FAM149A: variants seen among roughly 807,000 people sequenced by gnomAD.
FAM149A encodes protein FAM149A.
A neutral mutation model predicts 78.2 loss-of-function variants in FAM149A; 71 were observed. The observed-to-expected ratio is 0.91, with a 90% confidence interval of 0.75 to 1.11. The LOEUF (loss-of-function observed/expected upper bound fraction) is 1.11, where lower values mean the gene tolerates loss of function less well. Among genes scored for constraint, FAM149A ranks in the 50% least tolerant of loss-of-function variants. The pLI, the probability that FAM149A is intolerant of heterozygous loss-of-function variation, is 0.00. For missense variants in FAM149A, 1,036 were observed against 971.0 expected (o/e 1.07, Z -0.89); for synonymous variants, 446 against 410.5 (o/e 1.09, Z -1.04).
intron 6 of FAM149A, 115 bp downstream of exon 6, chr4:186,154,753 T>C: frequency 6.9e-7 from 1 of 1,439,484 alleles, no homozygotes; most frequent in Non-Finnish European, 9.1e-7. Flanking sequence ...CCCAAAAGAT[T>C]TCTGTTCTTT....
In FAM149A at chr4:186,166,950, A is replaced by G. The variant is rs755444478; in HGVS notation, c.2011-18A>G. The G allele has an allele frequency of 2.5e-6, 4 of 1,607,230 alleles. No individual in the cohort carries two copies. The highest frequency in any genetic ancestry group is 2.2e-5 in the South Asian group (2 of 89,884). Reference sequence around the variant, plus strand: ...GATTGCATTTATTTTAAACAAGAACATACTATCCTTCATTTAGTACAGAGG... The same window carrying G: ...GATTGCATTTATTTTAAACAAGAACGTACTATCCTTCATTTAGTACAGAGG... On this transcript the variant is annotated intron_variant, in intron 11 of 13. Transcript: ENST00000389354.
chr4:186,170,113 TC>T (rs1292434824), intron 13 of FAM149A, among the ~76,000 whole-genome samples: 1 of 152,196 alleles, frequency 6.6e-6, no homozygotes, highest in East Asian at 1.9e-4. Flanking sequence ...CACAGGGGAC[TC>T]CCTGGAGCTC....
At chr4:186,167,930 A>C (rs1014041917) in intron 13 of FAM149A, among the ~76,000 whole-genome samples, 1 of 152,176 alleles carries the variant, frequency 6.6e-6, no homozygotes, top group African/African-American at 2.4e-5. Flanking sequence ...AGGGTACATA[A>C]AATCATTATT....
chr4:186,130,293 C>CTCTCTCTCTCTCTCTATA lies in FAM149A; in HGVS notation c.567-18879_567-18878insCTCTCTCTCTCTCTATAT. On this transcript the variant is annotated intron_variant, in intron 1 of 13. Coordinates refer to ENST00000389354, the MANE Select transcript of FAM149A (RefSeq NM_001367768.3). ...TCTCTCTCTCTCTCTCTCTCTCTCTCTATATATATATATATATATATAATC... is the reference window on the plus strand; with the variant it reads ...TCTCTCTCTCTCTCTCTCTCTCTCTCTCTCTCTCTCTCTCTATATATATATATATATATATATATAATC... 192 of 46,558 alleles carry CTCTCTCTCTCTCTCTATA rather than the reference C, an allele frequency of 4.1e-3. 1 individual carries two copies. The highest frequency in any genetic ancestry group is 0.012 in the East Asian group (15 of 1,298). 2.9% of individuals were successfully genotyped at this position (46,558 alleles called of 1,614,324 possible). A position where few individuals can be genotyped will look rare whatever the true frequency, so the allele number is the denominator to read the frequency against.
At chr4:186,121,998 G>A (rs1346521905) in intron 1 of FAM149A, among the ~76,000 whole-genome samples, 1 of 152,148 alleles carries the variant, frequency 6.6e-6, no homozygotes, top group African/African-American at 2.4e-5. Flanking sequence ...CTTCCTGGCT[G>A]GCACCATGCT....
intron 8 of FAM149A, 116 bp downstream of exon 8, chr4:186,157,835 C>A: frequency 6.4e-7 from 1 of 1,552,298 alleles, no homozygotes; most frequent in Non-Finnish European, 8.7e-7. Context: ...CCACGCTGCC[C>A]GCAGAGGGGT....
At chr4:186,168,721 A>G (rs936522267) in intron 13 of FAM149A, among the ~76,000 whole-genome samples, 1 of 152,182 alleles carries the variant, frequency 6.6e-6, no homozygotes, top group Non-Finnish European at 1.5e-5. Flanking sequence ...TAGCTTATCA[A>G]TCATGGATGG....
At chr4:186,158,846 A>C in intron 8 of FAM149A, 5 of 986,198 alleles carry the variant, frequency 5.1e-6, no homozygotes, top group Non-Finnish European at 6.0e-6. Flanking sequence ...GAGCGGTCTC[A>C]AGCTGTTCTT....
At chr4:186,136,976 T>TCTCTCTTTCTCTCTTTCTCTC (rs2099323291) in intron 1 of FAM149A, among the ~76,000 whole-genome samples, 43 of 72,082 alleles carry the variant, frequency 6.0e-4, no homozygotes, top group African/African-American at 2.3e-3. Context: ...CTCTCTCTCT[T>TCTCTCTTTCTCTCTTTCTCTC]TCTCTCTCTC....
chr4:186,164,729 T>C lies in FAM149A; in HGVS notation c.1890-615T>C, dbSNP rs982352374. On this transcript the variant is annotated intron_variant, in intron 10 of 13. Coordinates refer to ENST00000389354, the MANE Select transcript of FAM149A (RefSeq NM_001367768.3). This position sits in a 1 kb window ranked among gnomAD's most constrained non-coding sequence, Gnocchi z 4.0. ...GGCCCCCTGTCACACCTTCATCAAA[T>C]AGAAACCCATTTATGTTTCCTACTG... 6.6e-6 allele frequency among the ~76,000 whole-genome samples: 1 copy of C among 152,168 alleles called. No individual in the cohort carries two copies. Among genetic ancestry groups the C allele is most frequent in the African/African-American group, 2.4e-5 (1 of 41,446 alleles).
chr4:186,115,396 G>A (rs377656503), intron 1 of FAM149A, among the ~76,000 whole-genome samples: 13 of 149,434 alleles, frequency 8.7e-5, no homozygotes, highest in African/African-American at 2.7e-4. Flanking sequence ...CTCTCAGCTC[G>A]TCAAAGTCAT....
intron 1 of FAM149A, among the ~76,000 whole-genome samples, chr4:186,140,297 C>T (rs1285839205): frequency 6.6e-6 from 1 of 152,032 alleles, no homozygotes; most frequent in African/African-American, 2.4e-5. Context: ...ACATATACCA[C>T]TTTTTATTTT....
intron 1 of FAM149A, among the ~76,000 whole-genome samples, chr4:186,140,098 A>G (rs985183732): frequency 1.3e-5 from 2 of 152,234 alleles, no homozygotes; most frequent in East Asian, 3.8e-4. Flanking sequence ...CAAGGAAGAC[A>G]GTAATATTAG....
At chr4:186,148,734 T>C (rs1733239685) in intron 1 of FAM149A, among the ~76,000 whole-genome samples, 1 of 152,218 alleles carries the variant, frequency 6.6e-6, no homozygotes, top group African/African-American at 2.4e-5. Flanking sequence ...TGATGTTTCT[T>C]AATTAATATG....
At chr4:186,107,888 C>T (rs1020191947) in intron 1 of FAM149A, among the ~76,000 whole-genome samples, 13 of 152,324 alleles carry the variant, frequency 8.5e-5, no homozygotes, top group Middle Eastern at 6.8e-3. Flanking sequence ...TTCAGATCCA[C>T]GACTACTCAC....
chr4:186,158,341 C>G, intron 8 of FAM149A: 1 of 1,209,398 alleles, frequency 8.3e-7, no homozygotes, highest in Non-Finnish European at 1.0e-6. Flanking sequence ...AGATTCTCCT[C>G]TGTGCTGTGT....
At chr4:186,150,453 T>A (rs1462853873) in intron 3 of FAM149A, among the ~76,000 whole-genome samples, 3 of 116,354 alleles carry the variant, frequency 2.6e-5, no homozygotes, top group Non-Finnish European at 5.3e-5. Context: ...GGAGTCTCGC[T>A]CTGTCGCCCA....
chr4:186,148,244 T>C (rs916591609), intron 1 of FAM149A, among the ~76,000 whole-genome samples: 2 of 152,186 alleles, frequency 1.3e-5, no homozygotes, highest in African/African-American at 4.8e-5. Context: ...GGAGAATTAC[T>C]TGAACCTAGG....
At chr4:186,108,622 TGAGCCA>T (rs2099309780) in intron 1 of FAM149A, among the ~76,000 whole-genome samples, 1 of 152,126 alleles carries the variant, frequency 6.6e-6, no homozygotes, top group Non-Finnish European at 1.5e-5. Flanking sequence ...ACTGCACATC[TGAGCCA>T]GAGGCAGAGG....
Sources: gnomAD v4.1 joint callset for allele counts (sites outside exome capture counted in the v4.1 genomes callset) on GRCh38, gnomAD v4.1.1 for gene constraint, Gnocchi (gnomAD v3.1) non-coding constraint, MANE v1.5 for transcripts, NCBI Gene and HGNC (gene_info 2026-07-23, HGNC 2026-07-21) for gene names.